Variants in DNAJC16 observed in about 807,000 individuals in gnomAD.
The protein encoded by DNAJC16 is dnaJ homolog subfamily C member 16.
A neutral mutation model predicts 92.7 loss-of-function variants in DNAJC16; 76 were observed. The observed-to-expected ratio is 0.82, with a 90% CI of 0.68 to 0.99. The LOEUF is 0.99. Ranked by LOEUF, DNAJC16 falls within the 50% of genes least tolerant of loss-of-function variation. The probability of loss-of-function intolerance (pLI) is 0.00; values close to 1 mark genes in which losing one functional copy is unlikely to be tolerated. For synonymous variants in DNAJC16, 328 were observed against 358.7 expected, an observed-to-expected ratio of 0.91 and a Z score of 0.97; for missense variants, 869 against 942.4, an observed-to-expected ratio of 0.92 and a Z score of 1.02.
Position 15,569,634 on chromosome 1 carries a change from T to TTC in DNAJC16, c.*1458_*1459insCT, listed in dbSNP as rs1219460612. The TTC allele has an allele frequency of 2.7e-5, 4 of 148,660 alleles. No individual in the cohort carries two copies. Among genetic ancestry groups the TTC allele is most frequent in the African/African-American group, 7.5e-5 (3 of 39,842 alleles). 9.2% of individuals were successfully genotyped at this position (148,660 alleles called of 1,614,324 possible). On this transcript the variant is annotated 3_prime_UTR_variant, in exon 15 of 15. Coordinates refer to ENST00000375847, the MANE Select transcript of DNAJC16 (RefSeq NM_015291.4). ...ATGGGACATTTACTAAGTATTTCTTTTTTTTTTTTTTTTTTTAGTTGTTGA... is the reference window on the plus strand; with the variant it reads ...ATGGGACATTTACTAAGTATTTCTTTTCTTTTTTTTTTTTTTTTAGTTGTTGA...
In DNAJC16 at chr1:15,564,053, A is replaced by G. The variant is rs1041532646; in HGVS notation, c.1463A>G (p.Asp488Gly). Residue 488 changes from aspartate to glycine, a missense_variant, in exon 10 of 15, where the codon GAT becomes GGT. Physicochemically the swap from Asp to Gly is moderately conservative, Grantham distance 94 (BLOSUM62 -1). Coordinates refer to ENST00000375847, the MANE Select transcript of DNAJC16 (RefSeq NM_015291.4). Reference sequence around the variant, plus strand: ...GGCTATCTCGACCAGCTGCGTAAAGATCCAGCTCTTCTGTCCTCTGAAGCA... The same window carrying G: ...GGCTATCTCGACCAGCTGCGTAAAGGTCCAGCTCTTCTGTCCTCTGAAGCA... The part of the protein sequence containing the change: ...LLGYLDQLRK[D>G]PALLSSEAVL... The G allele has an allele frequency of 7.4e-6, 12 of 1,613,720 alleles. No homozygotes were observed. In the African/African-American group the frequency reaches 1.6e-4, roughly 22 times the overall value.
chr1:15,563,692 A>T (rs1570930034), intron 9 of DNAJC16, among the ~76,000 whole-genome samples: 1 of 128,060 alleles, frequency 7.8e-6, no homozygotes, highest in Non-Finnish European at 1.7e-5. Context: ...AAAAAAAAAT[A>T]CCAAAAATTA....
chr1:15,566,110 C>T lies in DNAJC16; in HGVS notation c.1708C>T (p.Pro570Ser). 6.2e-7 allele frequency: 1 copy of T among 1,613,756 alleles called. No homozygotes were observed. Among genetic ancestry groups the T allele is most frequent in the Non-Finnish European group, 8.5e-7 (1 of 1,179,964 alleles). ...CTCTAATGATGAGCGAGAGTCAAGC[C>T]CTCCAGAAAAAGAGGAAGCCCAAGA... Reference protein sequence around the residue: ...SDSNDERESSPPEKEEAQEKT... With the variant: ...SDSNDERESSSPEKEEAQEKT... Residue 570 changes from proline (P) to serine (S), a missense_variant, in exon 13 of 15, where the codon CCT (proline) becomes TCT (serine). Transcript: ENST00000375847.
At chr1:15,539,268 C>T (rs111665058) in intron 4 of DNAJC16, among the ~76,000 whole-genome samples, 1,742 of 150,478 alleles carry the variant, frequency 0.012, 40 homozygotes, top group African/African-American at 0.039. Context: ...TTTTTTGAGA[C>T]GGAGGCTCTC....
At chr1:15,532,415 G>A (rs1710681128) in intron 2 of DNAJC16, among the ~76,000 whole-genome samples, 1 of 151,442 alleles carries the variant, frequency 6.6e-6, no homozygotes, top group African/African-American at 2.4e-5. Context: ...TTTCAACCTT[G>A]TGGTGTCTTC....
intron 4 of DNAJC16, chr1:15,542,195 C>T (rs1346048259): frequency 6.6e-6 from 1 of 152,268 alleles, no homozygotes; most frequent in East Asian, 1.9e-4. Flanking sequence ...TGGGCTCAGT[C>T]TACACCACCT....
chr1:15,566,158 A>C lies in DNAJC16; in HGVS notation c.1756A>C (p.Ser586Arg), dbSNP rs560577415. The change falls in exon 13 of 15, where the codon AGC becomes CGC. Residue 586 changes from serine (S) to arginine (R), a missense_variant. By Grantham distance (110) the Ser-to-Arg change is moderately radical. Transcript: ENST00000375847. ...AQEKTGKTEP[S>R]FTKENSSKIP... ...AGAGAAGACTGGGAAAACTGAGCCAAGCTTCACCAAAGAAAACAGCAGGTT... is the reference window on the plus strand; with the variant it reads ...AGAGAAGACTGGGAAAACTGAGCCACGCTTCACCAAAGAAAACAGCAGGTT... 2 of 1,614,052 alleles carry C rather than the reference A, an allele frequency of 1.2e-6. No homozygotes were observed. Among genetic ancestry groups the C allele is most frequent in the African/African-American group, 2.7e-5 (2 of 75,018 alleles).
In DNAJC16 at chr1:15,567,196, G is replaced by T. The variant is rs1275078830; in HGVS notation, c.1876G>T (p.Val626Phe). The T allele has an allele frequency of 6.2e-7, 1 of 1,614,126 alleles. No individual in the cohort carries two copies. Among genetic ancestry groups the T allele is most frequent in the Non-Finnish European group, 8.5e-7 (1 of 1,180,004 alleles). Reference sequence around the variant, plus strand: ...TCTGAGGCCAGGCCACATGAATGTGGTCCTCATCCTGTCGAATTCTACCAA... The same window carrying T: ...TCTGAGGCCAGGCCACATGAATGTGTTCCTCATCCTGTCGAATTCTACCAA... ...VRLRPGHMNV[V>F]LILSNSTKTS... Residue 626 changes from valine to phenylalanine, a missense_variant, in exon 14 of 15, where the codon GTC (valine) becomes TTC (phenylalanine). Transcript: ENST00000375847.
chr1:15,566,015 C>T lies in DNAJC16; in HGVS notation c.1679+16C>T. 1 of 1,613,626 alleles carries T rather than the reference C, an allele frequency of 6.2e-7. No individual in the cohort carries two copies. The highest frequency in any genetic ancestry group is 8.5e-7 in the Non-Finnish European group (1 of 1,179,870). ...AGGCTTTCAGGTAAATGTCCTGTGG[C>T]TTCTCGGTGCACCACCATGGTTGGT... On this transcript the variant is annotated intron_variant, in intron 12 of 14. Transcript: ENST00000375847.
At chr1:15,565,561 A>C in intron 11 of DNAJC16, 1 of 231,416 alleles carries the variant, frequency 4.3e-6, no homozygotes, top group South Asian at 6.1e-5. Flanking sequence ...TCTGGCCAGA[A>C]AAAAATCAGT....
intron 5 of DNAJC16, 127 bp downstream of exon 5, chr1:15,544,710 T>C: frequency 1.2e-6 from 1 of 832,894 alleles, no homozygotes; most frequent in South Asian, 1.8e-5. Context: ...GCATGACACT[T>C]ATTAATTAAT....
At chr1:15,563,793 T>C in intron 9 of DNAJC16, 136 bp from the exon 10 acceptor site, 2 of 811,912 alleles carry the variant, frequency 2.5e-6, no homozygotes, top group Non-Finnish European at 3.7e-6. Context: ...GAGCTTGCAG[T>C]GAGCCAAGAT....
At chr1:15,567,010 C>G (rs543373337) in intron 13 of DNAJC16, 89 bp from the exon 14 acceptor site, 1 of 1,266,766 alleles carries the variant, frequency 7.9e-7, no homozygotes, top group East Asian at 2.4e-5. Context: ...CTGGTTAGAA[C>G]ATAGCATTTT....
chr1:15,552,854 G>A (rs930369645), intron 7 of DNAJC16, among the ~76,000 whole-genome samples: 8 of 148,428 alleles, frequency 5.4e-5, no homozygotes, highest in Admixed American at 2.7e-4. Context: ...TGCAACCTCC[G>A]CCTCCTGGGT....
chr1:15,546,915 CTTT>C (rs76961003), intron 6 of DNAJC16, 44 bp downstream of exon 6: 50,420 of 889,424 alleles, frequency 0.057, 12 homozygotes, highest in East Asian at 0.11. Flanking sequence ...CTTTTCTTTT[CTTT>C]TTTTTTTTTT....
intron 14 of DNAJC16, 105 bp downstream of exon 14, chr1:15,567,374 AC>A (rs1638844044): frequency 8.4e-7 from 1 of 1,186,008 alleles, no homozygotes; most frequent in Admixed American, 2.1e-5. Flanking sequence ...CTTCATCCAT[AC>A]AGCAAGATGC....
chr1:15,553,687 A>G (rs1448250182), intron 7 of DNAJC16, among the ~76,000 whole-genome samples: 1 of 152,142 alleles, frequency 6.6e-6, no homozygotes, highest in Non-Finnish European at 1.5e-5. Context: ...GAAACAAAAT[A>G]TTGTCATCAG....
At chr1:15,533,690 CGTA>C (rs1710714663) in intron 2 of DNAJC16, among the ~76,000 whole-genome samples, 1 of 151,930 alleles carries the variant, frequency 6.6e-6, no homozygotes, top group African/African-American at 2.4e-5. Flanking sequence ...AAAAAGCAAT[CGTA>C]ATAATAACGA....
rs774160972 is a variant in DNAJC16, at chr1:15,536,675, C to T, written c.435C>T (p.His145=). The change falls in exon 4 of 15, where the codon CAC becomes CAT. Residue 145 remains histidine (H), a synonymous_variant. Transcript: ENST00000375847. Reference sequence around the variant, plus strand: ...CAATTGACGAAAAGTATTTATTGCACTTTTCACATTATGTGAATGAAGTGG... The same window carrying T: ...CAATTGACGAAAAGTATTTATTGCATTTTTCACATTATGTGAATGAAGTGG... ...RDSIDEKYLL[H]FSHYVNEVVP... 6.2e-7 allele frequency: 1 copy of T among 1,614,140 alleles called. No individual in the cohort carries two copies. Among genetic ancestry groups the T allele is most frequent in the Non-Finnish European group, 8.5e-7 (1 of 1,180,014 alleles).
Sources: allele counts gnomAD v4.1 joint callset (sites outside exome capture counted in the v4.1 genomes callset), GRCh38; gene constraint gnomAD v4.1.1; transcripts MANE v1.5; gene names NCBI Gene and HGNC (gene_info 2026-07-23, HGNC 2026-07-21).